MAST2: variants seen among roughly 807,000 people sequenced by gnomAD.
MAST2 encodes microtubule associated serine/threonine kinase 2.
Under a neutral mutation model 147.4 loss-of-function variants are expected in MAST2, and 70 were observed. That is an observed-to-expected ratio of 0.47 (90% confidence interval 0.39 to 0.58). MAST2 has a LOEUF of 0.58. MAST2 is among the 20% of genes least tolerant of loss of function. The pLI, the probability that MAST2 is intolerant of heterozygous loss-of-function variation, is 0.00. For missense variants in MAST2, 2,080 were observed against 2,302.3 expected, an observed-to-expected ratio of 0.90 and a Z score of 1.98; for synonymous variants, 869 against 896.8, an observed-to-expected ratio of 0.97 and a Z score of 0.55.
intron 7 of MAST2, among the ~76,000 whole-genome samples, chr1:46,003,845 T>A (rs1467939054): frequency 1.3e-5 from 2 of 152,152 alleles, no homozygotes; most frequent in Non-Finnish European, 2.9e-5. Context: ...GTAAATGTTT[T>A]AGTCTTTGAA....
At chr1:45,811,637 C>CT (rs764470494) in intron 1 of MAST2, among the ~76,000 whole-genome samples, 197 of 117,690 alleles carry the variant, frequency 1.7e-3, no homozygotes, top group South Asian at 3.0e-3. Flanking sequence ...CCGCACCCGG[C>CT]TTTTTTTTTT....
At chr1:46,024,449 G>C (rs1034589887) in intron 15 of MAST2, 3 of 188,534 alleles carry the variant, frequency 1.6e-5, no homozygotes, top group African/African-American at 7.0e-5. Flanking sequence ...CATAGTTCTG[G>C]AGGGAGGCAG....
At chr1:45,869,432 G>T (rs1376418689) in intron 3 of MAST2, among the ~76,000 whole-genome samples, 1 of 152,162 alleles carries the variant, frequency 6.6e-6, no homozygotes. Flanking sequence ...GGTGTTCTCT[G>T]TGTAAATCTA....
At chr1:46,000,658 T>C (rs921238929) in intron 6 of MAST2, among the ~76,000 whole-genome samples, 2 of 152,154 alleles carry the variant, frequency 1.3e-5, no homozygotes, top group Admixed American at 1.3e-4. Context: ...TAAGAAAAGC[T>C]GCTGGTTATT....
chr1:45,854,838 C>T (rs765648785), intron 3 of MAST2, among the ~76,000 whole-genome samples: 5 of 152,198 alleles, frequency 3.3e-5, no homozygotes, highest in Non-Finnish European at 7.3e-5. Flanking sequence ...TAAGATTGCC[C>T]CTACTTTAGA....
At chr1:45,892,988 A>G (rs1648091540) in intron 4 of MAST2, among the ~76,000 whole-genome samples, 1 of 152,196 alleles carries the variant, frequency 6.6e-6, no homozygotes. Flanking sequence ...TTCTTGTGGT[A>G]TTATACAGAC....
At chr1:45,837,370 A>G (rs1454054398) in intron 3 of MAST2, among the ~76,000 whole-genome samples, 3 of 152,200 alleles carry the variant, frequency 2.0e-5, no homozygotes, top group East Asian at 1.9e-4. Context: ...GGAATCATAC[A>G]GTATATAGTC....
chr1:45,847,696 C>A, intron 3 of MAST2: 1 of 301,796 alleles, frequency 3.3e-6, no homozygotes, highest in Non-Finnish European at 6.5e-6. Context: ...ACAGGAGTAC[C>A]CGTGCCAAAT....
At chr1:45,913,477 T>G in intron 4 of MAST2, 2 of 530,870 alleles carry the variant, frequency 3.8e-6, no homozygotes, top group Non-Finnish European at 4.8e-6. Context: ...AACTGATTTG[T>G]GGGGGAGGGA....
rs758446046 is a variant in MAST2 at position 46,028,940 on chromosome 1, A to G, written c.2218+7A>G. 1.9e-6 allele frequency: 3 copies of G among 1,561,332 alleles called. No homozygotes were observed. Among genetic ancestry groups the G allele is most frequent in the Non-Finnish European group, 2.6e-6 (3 of 1,156,304 alleles). ...TTTGGGCAGGTGATCAGTGGTAGGT[A>G]CTATGCCCCTGGCCCAGTGGGGAAA... On this transcript the variant is annotated splice_region_variant and intron_variant, in intron 18 of 28. Coordinates refer to ENST00000361297, the MANE Select transcript of MAST2 (RefSeq NM_015112.3).
intron 6 of MAST2, among the ~76,000 whole-genome samples, chr1:46,002,281 A>C (rs758022070): frequency 3.7e-4 from 56 of 152,166 alleles, no homozygotes; most frequent in Admixed American, 2.0e-3. Flanking sequence ...TATTGGTTTT[A>C]TGAGTCCTAA....
intron 1 of MAST2, among the ~76,000 whole-genome samples, chr1:45,811,257 G>A (rs1157908690): frequency 1.4e-5 from 2 of 147,398 alleles, no homozygotes; most frequent in African/African-American, 5.0e-5. Context: ...GCCTCCCCCT[G>A]TGGGGTTCAA....
chr1:45,950,624 CTT>C (rs1359466884), intron 4 of MAST2, among the ~76,000 whole-genome samples: 1 of 152,172 alleles, frequency 6.6e-6, no homozygotes. Flanking sequence ...CAGAAACAAA[CTT>C]AACACTTCTA....
At chr1:45,804,166 G>T (rs1413409890) in intron 1 of MAST2, 94 bp downstream of exon 1, 3 of 1,261,968 alleles carry the variant, frequency 2.4e-6, no homozygotes, top group Non-Finnish European at 3.0e-6. Context: ...GCTTTGGAGG[G>T]GTGGGGTCTG....
At chr1:45,878,757 A>G (rs1351380679) in intron 3 of MAST2, among the ~76,000 whole-genome samples, 1 of 152,146 alleles carries the variant, frequency 6.6e-6, no homozygotes. Context: ...TAAAAAATCT[A>G]CTTAGGGATG....
rs1195515026 is a variant in MAST2 at position 46,030,992 on chromosome 1, C to A, written c.2709-15C>A. 1.2e-6 allele frequency: 2 copies of A among 1,610,292 alleles called. No homozygotes were observed. Among genetic ancestry groups the A allele is most frequent in the Admixed American group, 3.4e-5 (2 of 59,658 alleles). ...GACCACCTGGGTCACTCACCCCAGG[C>A]CTTGTGTCTCATAGATTACGGAAGC... On this transcript the variant is annotated splice_polypyrimidine_tract_variant and intron_variant, in intron 22 of 28. Transcript: ENST00000361297.
At chr1:45,955,765 G>T (rs80237474) in intron 4 of MAST2, among the ~76,000 whole-genome samples, 3,730 of 152,256 alleles carry the variant, frequency 0.024, 160 homozygotes, top group African/African-American at 0.086. Context: ...GAGCAGGAGG[G>T]AGAGAGGTCA....
At chr1:45,947,172 G>A (rs1382961316) in intron 4 of MAST2, among the ~76,000 whole-genome samples, 1 of 151,996 alleles carries the variant, frequency 6.6e-6, no homozygotes, top group East Asian at 1.9e-4. Context: ...GCTTCATAGG[G>A]TGTGAGATAC....
At chr1:45,843,697 G>A (rs1645344443) in intron 3 of MAST2, among the ~76,000 whole-genome samples, 1 of 152,200 alleles carries the variant, frequency 6.6e-6, no homozygotes, top group Admixed American at 6.5e-5. Flanking sequence ...AGAACTGTAG[G>A]AGTTTAGATA....
Sources: gnomAD v4.1 joint callset for allele counts (sites outside exome capture counted in the v4.1 genomes callset) on GRCh38, gnomAD v4.1.1 for gene constraint, MANE v1.5 for transcripts, NCBI Gene and HGNC (gene_info 2026-07-23, HGNC 2026-07-21) for gene names.